The following SUGCT variants were observed in gnomAD, a reference collection of about 807,000 sequenced individuals.
SUGCT encodes succinyl-CoA:glutarate CoA-transferase.
In SUGCT, 41 loss-of-function variants were observed where a neutral mutation model predicts 55.0. The observed-to-expected ratio is 0.74, with a 90% CI of 0.58 to 0.97. The LOEUF (loss-of-function observed/expected upper bound fraction) is 0.97, where lower values mean the gene tolerates loss of function less well. SUGCT is among the 50% of genes least tolerant of loss of function. The pLI is 0.00. For missense variants in SUGCT, 568 were observed against 547.8 expected (o/e 1.04, Z -0.37); for synonymous variants, 187 against 200.4 (o/e 0.93, Z 0.56).
the SUGCT span, among the ~76,000 whole-genome samples, chr7:41,036,559 C>G: frequency 6.6e-6 from 1 of 152,094 alleles, no homozygotes; most frequent in African/African-American, 2.4e-5. Context: ...ACTGTCTCAG[C>G]CCCTCTCCCT....
chr7:40,349,388 G>A (rs753355337), intron 9 of SUGCT, among the ~76,000 whole-genome samples: 8 of 151,962 alleles, frequency 5.3e-5, no homozygotes, highest in Non-Finnish European at 1.0e-4. Flanking sequence ...TGGCTCTGTT[G>A]CCCAGGCTGG....
the SUGCT span, among the ~76,000 whole-genome samples, chr7:40,898,409 T>C: frequency 7.1e-6 from 1 of 140,062 alleles, no homozygotes; most frequent in Non-Finnish European, 1.5e-5. Flanking sequence ...TCCGGACACA[T>C]CATCTTTAAG....
At chr7:40,216,475 G>C (rs992901381) in intron 6 of SUGCT, among the ~76,000 whole-genome samples, 1 of 148,852 alleles carries the variant, frequency 6.7e-6, no homozygotes, top group Non-Finnish European at 1.5e-5. Flanking sequence ...ATTCCGGCCT[G>C]GGCGAAGAGC....
chr7:40,279,055 T>G (rs1174636661), intron 8 of SUGCT, among the ~76,000 whole-genome samples: 1 of 151,402 alleles, frequency 6.6e-6, no homozygotes, highest in East Asian at 1.9e-4. Flanking sequence ...CAGGCTAGTC[T>G]TGAACTCTTG....
At chr7:40,148,922 T>A (rs1329491332) in intron 1 of SUGCT, among the ~76,000 whole-genome samples, 1 of 152,188 alleles carries the variant, frequency 6.6e-6, no homozygotes, top group Non-Finnish European at 1.5e-5. Context: ...AAAGGGCCTG[T>A]TCAGTTCTGA....
In SUGCT at chr7:40,423,866, A is replaced by T. The variant is rs373751842; in HGVS notation, c.817-25421A>T. Among the ~76,000 whole-genome samples the T allele has an allele frequency of 3.3e-5, 5 of 152,266 alleles. No homozygotes were observed. In the East Asian group the frequency reaches 9.6e-4, roughly 29 times the overall value. On this transcript the variant is annotated intron_variant, in intron 9 of 13. Coordinates refer to ENST00000335693, the MANE Select transcript of SUGCT (RefSeq NM_001193313.2). Reference sequence around the variant, plus strand: ...TTATTTGGAATTAAGGTTTATCATAAACTTTATGATATTTAAAACACATTA... The same window carrying T: ...TTATTTGGAATTAAGGTTTATCATATACTTTATGATATTTAAAACACATTA...
At chr7:40,830,132 C>T (rs1380672532) in intron 13 of SUGCT, among the ~76,000 whole-genome samples, 1 of 152,168 alleles carries the variant, frequency 6.6e-6, no homozygotes, top group African/African-American at 2.4e-5. Context: ...CCCCAACTGC[C>T]ACCACCCCAG....
chr7:40,808,777 A>T (rs1791243533), intron 13 of SUGCT, among the ~76,000 whole-genome samples: 1 of 152,196 alleles, frequency 6.6e-6, no homozygotes, highest in Non-Finnish European at 1.5e-5. Flanking sequence ...TGGAGATTTT[A>T]TGAGAAACAG....
intron 8 of SUGCT, among the ~76,000 whole-genome samples, chr7:40,276,200 G>A (rs1792467664): frequency 6.6e-6 from 1 of 152,164 alleles, no homozygotes; most frequent in Non-Finnish European, 1.5e-5. Context: ...CTATAAAAAG[G>A]TAAAAGAACT....
chr7:40,424,805 T>G (rs1787501623), intron 9 of SUGCT, among the ~76,000 whole-genome samples: 1 of 152,124 alleles, frequency 6.6e-6, no homozygotes. Context: ...CCATTCTTTC[T>G]GAGGATTGGT....
intron 13 of SUGCT, among the ~76,000 whole-genome samples, chr7:40,799,235 A>G (rs761840612): frequency 2.0e-5 from 3 of 152,130 alleles, no homozygotes; most frequent in Non-Finnish European, 4.4e-5. Flanking sequence ...TGGTGCTCTT[A>G]TTTACCCAAA....
the SUGCT span, among the ~76,000 whole-genome samples, chr7:41,024,108 G>A: frequency 2.0e-5 from 3 of 152,140 alleles, no homozygotes; most frequent in Non-Finnish European, 4.4e-5. Flanking sequence ...AAGAGAAGAC[G>A]AAATACACTA....
At chr7:40,691,310 C>CTT (rs536602371) in intron 12 of SUGCT, among the ~76,000 whole-genome samples, 8 of 144,538 alleles carry the variant, frequency 5.5e-5, no homozygotes, top group African/African-American at 2.0e-4. Flanking sequence ...ATGTGAGAAA[C>CTT]TTTTTTTTTT....
At chr7:40,245,364 CTTT>C (rs894261542) in intron 7 of SUGCT, among the ~76,000 whole-genome samples, 2 of 106,724 alleles carry the variant, frequency 1.9e-5, no homozygotes, top group South Asian at 6.0e-4. Flanking sequence ...TGGCCATGAA[CTTT>C]TTTTTTTATT....
intron 12 of SUGCT, among the ~76,000 whole-genome samples, chr7:40,642,353 T>A (rs1288704869): frequency 1.3e-5 from 2 of 152,204 alleles, no homozygotes; most frequent in African/African-American, 2.4e-5. Context: ...TTCTGTATTC[T>A]GTAAAGTGTT....
intron 13 of SUGCT, among the ~76,000 whole-genome samples, chr7:40,820,698 A>G (rs1791942424): frequency 1.3e-5 from 2 of 152,212 alleles, no homozygotes; most frequent in African/African-American, 2.4e-5. Context: ...ATATACAATC[A>G]TGTCATCTGC....
At chr7:40,241,717 C>T (rs1195384921) in intron 7 of SUGCT, among the ~76,000 whole-genome samples, 1 of 151,748 alleles carries the variant, frequency 6.6e-6, no homozygotes, top group African/African-American at 2.4e-5. Context: ...GTCAAGAGAT[C>T]GAGACCATCC....
At chr7:40,556,935 T>G (rs1163244949) in intron 12 of SUGCT, among the ~76,000 whole-genome samples, 1 of 152,198 alleles carries the variant, frequency 6.6e-6, no homozygotes, top group Non-Finnish European at 1.5e-5. Flanking sequence ...ATTCTACTAC[T>G]CAAGGCGATC....
intron 13 of SUGCT, among the ~76,000 whole-genome samples, chr7:40,776,972 G>A (rs957118937): frequency 2.0e-5 from 3 of 152,174 alleles, no homozygotes; most frequent in Non-Finnish European, 2.9e-5. Context: ...TTCTCCTCAG[G>A]AAGCTGTTTG....
Sources: gnomAD v4.1 joint callset for allele counts (sites outside exome capture counted in the v4.1 genomes callset) on GRCh38, gnomAD v4.1.1 for gene constraint, MANE v1.5 for transcripts, NCBI Gene and HGNC (gene_info 2026-07-23, HGNC 2026-07-21) for gene names.